The following TNFRSF10B variants were observed in gnomAD, a reference collection of about 807,000 sequenced individuals.
TNFRSF10B encodes TNF receptor superfamily member 10b, also known as tumor necrosis factor receptor superfamily member 10B.
In TNFRSF10B, 35 loss-of-function variants were observed where a neutral mutation model predicts 41.4. The ratio of observed to expected loss-of-function variants is 0.85; its 90% CI spans 0.65 to 1.12. TNFRSF10B has a LOEUF of 1.12. Among genes scored for constraint, TNFRSF10B ranks in the 50% most tolerant of loss-of-function variants. The probability of loss-of-function intolerance (pLI) is 0.00; values close to 1 mark genes in which losing one functional copy is unlikely to be tolerated. For synonymous variants in TNFRSF10B, 230 were observed against 215.5 expected (o/e 1.07, Z -0.59); for missense variants, 584 against 552.7 (o/e 1.06, Z -0.57).
chr8:23,064,732 C>T (rs1355623637), intron 1 of TNFRSF10B, among the ~76,000 whole-genome samples: 1 of 152,182 alleles, frequency 6.6e-6, no homozygotes, highest in Non-Finnish European at 1.5e-5. Context: ...AAAATTAACC[C>T]GAGTAACCTC....
At chr8:23,060,573 G>A (rs549258897) in intron 1 of TNFRSF10B, among the ~76,000 whole-genome samples, 72 of 152,322 alleles carry the variant, frequency 4.7e-4, no homozygotes, top group African/African-American at 1.6e-3. Context: ...ATCAGGAAGT[G>A]TGAATCCTAC....
In TNFRSF10B at chr8:23,028,562, A is replaced by G. The variant is rs376968508; in HGVS notation, c.517T>C (p.Trp173Arg). ...GMVKVGDCTPWSDIECVHKES... is the reference protein window; with the variant it reads ...GMVKVGDCTPRSDIECVHKES... ...TTGTGGACACATTCGATGTCACTCC[A>G]GGGTGTACAATCACCGACCTTGACC... The change falls in exon 5 of 9, where the codon TGG becomes CGG. Residue 173 changes from tryptophan to arginine, a missense_variant. Coordinates refer to ENST00000276431, the MANE Select transcript of TNFRSF10B (RefSeq NM_003842.5). 3.4e-5 allele frequency: 55 copies of G among 1,614,114 alleles called. No homozygotes were observed. The highest frequency in any genetic ancestry group is 1.6e-4 in the Middle Eastern group (1 of 6,062).
chr8:23,066,014 G>A (rs1381305097), intron 1 of TNFRSF10B, among the ~76,000 whole-genome samples: 1 of 152,206 alleles, frequency 6.6e-6, no homozygotes, highest in Non-Finnish European at 1.5e-5. Context: ...TGCGCACGGT[G>A]GCTCAGGCCT....
intron 5 of TNFRSF10B, 114 bp downstream of exon 5, chr8:23,028,217 C>T: frequency 6.8e-7 from 1 of 1,460,702 alleles, no homozygotes; most frequent in Non-Finnish European, 9.5e-7. Context: ...AGGATAGAGC[C>T]AGGCTGGAGG....
At chr8:23,053,457 G>A (rs78562340) in intron 1 of TNFRSF10B, among the ~76,000 whole-genome samples, 20,669 of 151,738 alleles carry the variant, frequency 0.14, 1,790 homozygotes, top group Non-Finnish European at 0.19. Flanking sequence ...AGATTAAAAG[G>A]TTAAAGGATT....
At position 23,022,691 on chromosome 8, in the gene TNFRSF10B, C is replaced by A. The variant is rs766466093; in HGVS notation, c.1303G>T (p.Ala435Ser). The A allele has an allele frequency of 5.0e-6, 8 of 1,613,902 alleles. No individual in the cohort carries two copies. Among genetic ancestry groups the A allele is most frequent in the Admixed American group, 1.7e-5 (1 of 59,988 alleles). ...SGKFMYLEGNADSAMS is the reference protein window; with the variant it reads ...SGKFMYLEGNSDSAMS ...CACACTTAGGACATGGCAGAGTCTG[C>A]ATTACCTTCTAGATACATGAACTTT... Residue 435 changes from alanine (A) to serine (S), a missense_variant, in exon 9 of 9, where the codon GCA (alanine) becomes TCA (serine). By Grantham distance (99) the Ala-to-Ser change is moderately conservative (BLOSUM62 1). Transcript: ENST00000276431.
rs76845414 is a variant in TNFRSF10B at position 23,042,984 on chromosome 8, T to C, written c.250+154A>G. 787 of 651,222 alleles carry C rather than the reference T, an allele frequency of 1.2e-3. 9 individuals are homozygous for C. The East Asian group carries it at 0.021, about 17-fold the overall frequency. 40.3% of individuals were successfully genotyped at this position (651,222 alleles called of 1,614,324 possible). The stretch of plus-strand genomic sequence containing the variant: ...TCATTTGTGTGTCTTGATACCATCC[T>C]AGCAGGAAGGCTCCAGAAGGACAGA... On this transcript the variant is annotated intron_variant, in intron 2 of 8. Coordinates refer to ENST00000276431, the MANE Select transcript of TNFRSF10B (RefSeq NM_003842.5).
chr8:23,044,080 T>C (rs1385171477), intron 1 of TNFRSF10B, among the ~76,000 whole-genome samples: 2 of 152,214 alleles, frequency 1.3e-5, no homozygotes, highest in African/African-American at 2.4e-5. Context: ...GAGAGGACAA[T>C]CTTTTTAAAA....
At chr8:23,038,524 C>T (rs920170193) in intron 2 of TNFRSF10B, among the ~76,000 whole-genome samples, 3 of 152,168 alleles carry the variant, frequency 2.0e-5, no homozygotes, top group Admixed American at 1.3e-4. Flanking sequence ...TTTCTTCCTT[C>T]TCTTATCCCC....
intron 2 of TNFRSF10B, among the ~76,000 whole-genome samples, chr8:23,032,261 C>T (rs1470035543): frequency 6.6e-6 from 1 of 152,124 alleles, no homozygotes. Flanking sequence ...AATACCTGTT[C>T]TGAATGAGCT....
In TNFRSF10B at chr8:23,022,261, C is replaced by T. The variant is rs933417005; in HGVS notation, c.*410G>A. On this transcript the variant is annotated 3_prime_UTR_variant, in exon 9 of 9. Coordinates refer to ENST00000276431, the MANE Select transcript of TNFRSF10B (RefSeq NM_003842.5). ...GGAGACAGAGTGAACTGCCCCGCAC[C>T]CCCCACCCAAAAAAGGTTCATATCA... 2 of 454,054 alleles carry T rather than the reference C, an allele frequency of 4.4e-6. No individual in the cohort carries two copies. Among genetic ancestry groups the T allele is most frequent in the Non-Finnish European group, 8.8e-6 (2 of 226,936 alleles). The allele number at this position is 454,054 out of a possible 1,614,324, so 28.1% of individuals were successfully genotyped here.
At chr8:23,051,373 A>G (rs1046536123) in intron 1 of TNFRSF10B, among the ~76,000 whole-genome samples, 3 of 152,174 alleles carry the variant, frequency 2.0e-5, no homozygotes, top group Non-Finnish European at 4.4e-5. Context: ...TGATCAAGCA[A>G]TTTCATACTT....
At chr8:23,056,137 G>A (rs952950416) in intron 1 of TNFRSF10B, among the ~76,000 whole-genome samples, 2 of 152,262 alleles carry the variant, frequency 1.3e-5, no homozygotes, top group Admixed American at 6.5e-5. Flanking sequence ...ATTACCAGAT[G>A]ATCCAGCAAT....
rs538939780 is a variant in TNFRSF10B at position 23,043,395 on chromosome 8, T to C, written c.145-152A>G. On this transcript the variant is annotated intron_variant, in intron 1 of 8. Transcript: ENST00000276431. ...CCTCTCAAACATCCTTTAGTGTTTG[T>C]TTGTCCCTTCATATTTCAGGGAAGG... is the stretch of plus-strand genomic sequence containing the variant. 7.7e-6 allele frequency: 5 copies of C among 648,850 alleles called. No homozygotes were observed. The Admixed American group carries it at 1.3e-4, about 17-fold the overall frequency. 40.2% of individuals were successfully genotyped at this position (648,850 alleles called of 1,614,324 possible).
At chr8:23,057,826 A>G (rs914715878) in intron 1 of TNFRSF10B, among the ~76,000 whole-genome samples, 1 of 152,190 alleles carries the variant, frequency 6.6e-6, no homozygotes, top group Non-Finnish European at 1.5e-5. Context: ...GTCTTATAAT[A>G]TTCTTTACCT....
At chr8:23,045,060 C>CAAAAAAA (rs35953846) in intron 1 of TNFRSF10B, among the ~76,000 whole-genome samples, 28 of 38,810 alleles carry the variant, frequency 7.2e-4, no homozygotes, top group Non-Finnish European at 9.8e-4. Context: ...TAATAAAATA[C>CAAAAAAA]AAAAAAAAAA....
At chr8:23,055,299 AT>A (rs1162557688) in intron 1 of TNFRSF10B, among the ~76,000 whole-genome samples, 1 of 152,074 alleles carries the variant, frequency 6.6e-6, no homozygotes, top group South Asian at 2.1e-4. Flanking sequence ...CCAGTACTGC[AT>A]TTGGTGCCCC....
intron 2 of TNFRSF10B, among the ~76,000 whole-genome samples, chr8:23,040,367 A>T (rs182524648): frequency 0.5 from 11,676 of 23,354 alleles, 3,966 homozygotes; most frequent in Non-Finnish European, 0.71. Context: ...TATATATTTA[A>T]TAAATATATA....
chr8:23,033,585 C>CAAAAAAAAAAAAAAA (rs59282000), intron 2 of TNFRSF10B, among the ~76,000 whole-genome samples: 1 of 62,278 alleles, frequency 1.6e-5, no homozygotes, highest in African/African-American at 7.6e-5. Context: ...GACTCCGTCT[C>CAAAAAAAAAAAAAAA]AAAAAAAAAA....
Sources: allele counts gnomAD v4.1 joint callset (sites outside exome capture counted in the v4.1 genomes callset), GRCh38; gene constraint gnomAD v4.1.1; transcripts MANE v1.5; gene names NCBI Gene and HGNC (gene_info 2026-07-23, HGNC 2026-07-21).